Variants in TACR3 observed in about 807,000 individuals in gnomAD.
TACR3 encodes tachykinin receptor 3, also known as neuromedin-K receptor.
A neutral mutation model predicts 35.0 loss-of-function variants in TACR3; 34 were observed. That is an observed-to-expected ratio of 0.97 (90% CI 0.74 to 1.30). The LOEUF (loss-of-function observed/expected upper bound fraction) is 1.30. TACR3 is among the 50% of genes most tolerant of loss of function. The probability of loss-of-function intolerance (pLI) is 0.00; values close to 1 mark genes in which losing one functional copy is unlikely to be tolerated. For missense variants in TACR3, 558 were observed against 591.7 expected (o/e 0.94, Z 0.59); for synonymous variants, 233 against 221.1 (o/e 1.05, Z -0.48).
rs138971941 is a variant in TACR3 at position 103,671,343 on chromosome 4, G to C, written c.549-12940C>G. 4.6e-3 allele frequency among the ~76,000 whole-genome samples: 702 copies of C among 152,036 alleles called. 7 individuals are homozygous for C. The highest frequency in any genetic ancestry group is 0.016 in the African/African-American group (660 of 41,542). The stretch of plus-strand genomic sequence containing the variant: ...GTATTCCCTCTTCCTAATATTTTCA[G>C]AATAGTATGAGTAGGATTGGTGTTA... On this transcript the variant is annotated intron_variant, in intron 1 of 4. Coordinates refer to ENST00000304883, the MANE Select transcript of TACR3 (RefSeq NM_001059.3).
intron 3 of TACR3, among the ~76,000 whole-genome samples, chr4:103,626,387 C>T (rs1169240513): frequency 6.6e-6 from 1 of 152,086 alleles, no homozygotes; most frequent in Admixed American, 6.6e-5. Flanking sequence ...ACAAAAAAGC[C>T]TGTCCTTTAT....
At chr4:103,604,934 C>G (rs1217141811) in intron 3 of TACR3, among the ~76,000 whole-genome samples, 1 of 149,490 alleles carries the variant, frequency 6.7e-6, no homozygotes, top group South Asian at 2.1e-4. Flanking sequence ...CACCCACTAA[C>G]TCGTCATCTA....
At chr4:103,642,342 TA>T (rs148586359) in intron 3 of TACR3, among the ~76,000 whole-genome samples, 18,941 of 149,230 alleles carry the variant, frequency 0.13, 1,413 homozygotes, top group Non-Finnish European at 0.17. Context: ...ATTTGTCAAT[TA>T]AAAAATGAGT....
At chr4:103,638,283 C>T (rs1725245718) in intron 3 of TACR3, among the ~76,000 whole-genome samples, 1 of 150,906 alleles carries the variant, frequency 6.6e-6, no homozygotes, top group Non-Finnish European at 1.5e-5. Flanking sequence ...AGAAATAATG[C>T]CACATATCTA....
In TACR3 at chr4:103,588,525, G is replaced by A. The variant is rs1723826046; in HGVS notation, c.*1157C>T. On this transcript the variant is annotated 3_prime_UTR_variant, in exon 5 of 5. Transcript: ENST00000304883. ...CTCATTTCTTTCTGGTAAGACTTCT[G>A]AATAATCTAAGCAAATGAAAGAAAA... 6.6e-6 allele frequency: 1 copy of A among 152,038 alleles called. No homozygotes were observed. Among genetic ancestry groups the A allele is most frequent in the African/African-American group, 2.4e-5 (1 of 41,426 alleles). The allele number at this position is 152,038 out of a possible 1,614,324, so 9.4% of individuals were successfully genotyped here. A position where few individuals can be genotyped will look rare whatever the true frequency, so the allele number is the denominator to read the frequency against.
At chr4:103,637,359 G>T (rs1006275480) in intron 3 of TACR3, among the ~76,000 whole-genome samples, 11 of 152,242 alleles carry the variant, frequency 7.2e-5, no homozygotes, top group South Asian at 6.2e-4. Flanking sequence ...CTCAATAGAT[G>T]CAGGAAAGGC....
chr4:103,668,681 C>T (rs1725985061), intron 1 of TACR3, among the ~76,000 whole-genome samples: 1 of 151,880 alleles, frequency 6.6e-6, no homozygotes. Context: ...AACCCCGTCT[C>T]TACTAAAAAT....
At chr4:103,697,549 G>T (rs747619454) in intron 1 of TACR3, among the ~76,000 whole-genome samples, 1 of 151,486 alleles carries the variant, frequency 6.6e-6, no homozygotes, top group Non-Finnish European at 1.5e-5. Flanking sequence ...CTCAGCCTCC[G>T]GAGTAACTGG....
chr4:103,636,764 C>T (rs979292664), intron 3 of TACR3, among the ~76,000 whole-genome samples: 1 of 152,010 alleles, frequency 6.6e-6, no homozygotes, highest in Non-Finnish European at 1.5e-5. Context: ...ATATCATCAC[C>T]AATCCCACAG....
At chr4:103,704,466 G>T (rs1722740994) in intron 1 of TACR3, among the ~76,000 whole-genome samples, 1 of 152,170 alleles carries the variant, frequency 6.6e-6, no homozygotes, top group Middle Eastern at 3.2e-3. Context: ...TCACAGTTCT[G>T]CATGGCCAGG....
chr4:103,597,459 TTTA>T (rs1388137115), intron 3 of TACR3, among the ~76,000 whole-genome samples: 9 of 152,132 alleles, frequency 5.9e-5, no homozygotes, highest in East Asian at 1.9e-4. Flanking sequence ...TTTTTTAAAT[TTTA>T]TTATTATTAT....
chr4:103,641,493 A>C (rs928164196), intron 3 of TACR3, among the ~76,000 whole-genome samples: 1 of 151,938 alleles, frequency 6.6e-6, no homozygotes, highest in African/African-American at 2.4e-5. Flanking sequence ...GAATGTGGAG[A>C]AAAGGGAACC....
intron 3 of TACR3, among the ~76,000 whole-genome samples, chr4:103,628,032 C>T (rs1471438295): frequency 6.6e-6 from 1 of 152,176 alleles, no homozygotes; most frequent in East Asian, 1.9e-4. Context: ...GAACAACTTG[C>T]TCCCGAATGA....
At chr4:103,666,477 T>C (rs757846124) in intron 1 of TACR3, among the ~76,000 whole-genome samples, 32 of 152,292 alleles carry the variant, frequency 2.1e-4, no homozygotes, top group South Asian at 4.1e-4. Flanking sequence ...CTCATTAATA[T>C]ATTGATTATA....
At position 103,613,771 on chromosome 4, in the gene TACR3, C is replaced by G. The variant is rs1456800188; in HGVS notation, c.889-22088G>C. Reference sequence around the variant, plus strand: ...TGAGAGTCTAAGATCAGGGTGCCAGCATGGTTACATTTTGGTGAAGGCTTC... The same window carrying G: ...TGAGAGTCTAAGATCAGGGTGCCAGGATGGTTACATTTTGGTGAAGGCTTC... On this transcript the variant is annotated intron_variant, in intron 3 of 4. Coordinates refer to ENST00000304883, the MANE Select transcript of TACR3 (RefSeq NM_001059.3). 2.0e-5 allele frequency among the ~76,000 whole-genome samples: 3 copies of G among 152,182 alleles called. No homozygotes were observed. In the East Asian group the frequency reaches 5.8e-4, roughly 29 times the overall value.
intron 4 of TACR3, chr4:103,591,248 A>G (rs563015763): frequency 1.9e-5 from 10 of 525,370 alleles, no homozygotes; most frequent in African/African-American, 1.7e-4. Context: ...GGCCCATAGA[A>G]GAATCATCCA....
chr4:103,639,923 G>T (rs1483649941), intron 3 of TACR3, among the ~76,000 whole-genome samples: 1 of 151,902 alleles, frequency 6.6e-6, no homozygotes, highest in Admixed American at 6.6e-5. Flanking sequence ...ATCAATGCTA[G>T]CTGTGTTTCT....
chr4:103,608,571 T>A (rs1391478599), intron 3 of TACR3, among the ~76,000 whole-genome samples: 2 of 152,010 alleles, frequency 1.3e-5, no homozygotes, highest in Non-Finnish European at 2.9e-5. Flanking sequence ...GAATTATGGA[T>A]GTTTTCATTG....
chr4:103,714,321 T>C (rs964153414), intron 1 of TACR3, among the ~76,000 whole-genome samples: 21 of 152,158 alleles, frequency 1.4e-4, no homozygotes, highest in Admixed American at 6.5e-4. Context: ...GATTCTGTGA[T>C]AATCTTATTA....
Sources: allele counts gnomAD v4.1 joint callset (sites outside exome capture counted in the v4.1 genomes callset), GRCh38; gene constraint gnomAD v4.1.1; transcripts MANE v1.5; gene names NCBI Gene and HGNC (gene_info 2026-07-23, HGNC 2026-07-21).